Variants in NUP42 observed in about 807,000 individuals in gnomAD.
NUP42 encodes the protein nucleoporin NUP42.
In NUP42, 47 loss-of-function variants were observed where a neutral mutation model predicts 35.9. That is an observed-to-expected ratio of 1.31 (90% CI 1.04 to 1.67). The LOEUF (loss-of-function observed/expected upper bound fraction) is 1.67, where lower values mean the gene tolerates loss of function less well. Ranked by LOEUF, NUP42 falls within the 40% of genes most tolerant of loss-of-function variation. NUP42 has a pLI of 0.00. For synonymous variants in NUP42, 173 were observed against 173.3 expected, an observed-to-expected ratio of 1.00 and a Z score of 0.01; for missense variants, 514 against 492.2, an observed-to-expected ratio of 1.04 and a Z score of -0.42.
At chr7:23,194,499 T>A (rs1218528201) in intron 3 of NUP42, 1 of 152,388 alleles carries the variant, frequency 6.6e-6, no homozygotes, top group Non-Finnish European at 1.5e-5. Flanking sequence ...TAGCTCGGAT[T>A]ATAGGCATAT....
At chr7:23,193,467 G>A (rs1383766097) in intron 3 of NUP42, among the ~76,000 whole-genome samples, 1 of 152,154 alleles carries the variant, frequency 6.6e-6, no homozygotes, top group East Asian at 1.9e-4. Context: ...GGACACAAAG[G>A]TTCTCCAAGT....
chr7:23,185,649 A>T (rs542439150), intron 2 of NUP42, among the ~76,000 whole-genome samples: 54 of 152,340 alleles, frequency 3.5e-4, no homozygotes, highest in Admixed American at 6.5e-4. Context: ...AGTCCTGCTT[A>T]AGTTCATTCT....
chr7:23,188,627 T>C lies in NUP42; in HGVS notation c.445+1481T>C, dbSNP rs7776807. ...GTGTTTTTAGTATGTGTACATGCCA[T>C]GTAATATTTGGGGCACATTTATACT... is the stretch of plus-strand genomic sequence containing the variant. On this transcript the variant is annotated intron_variant, in intron 3 of 6. Transcript: ENST00000258742. 3.4e-4 allele frequency: 250 copies of C among 730,240 alleles called. 2 individuals are homozygous for C. The African/African-American group carries it at 4.5e-3, about 13-fold the overall frequency. 45.2% of individuals were successfully genotyped at this position (730,240 alleles called of 1,614,324 possible). A position where few individuals can be genotyped will look rare whatever the true frequency, so the allele number is the denominator to read the frequency against.
intron 3 of NUP42, among the ~76,000 whole-genome samples, chr7:23,191,637 G>C (rs1345838794): frequency 6.6e-6 from 1 of 152,198 alleles, no homozygotes; most frequent in Non-Finnish European, 1.5e-5. Flanking sequence ...ATTCTTTGTA[G>C]AAAATATCTT....
intron 3 of NUP42, among the ~76,000 whole-genome samples, chr7:23,190,384 C>T (rs1785750010): frequency 6.6e-6 from 1 of 152,176 alleles, no homozygotes; most frequent in Admixed American, 6.5e-5. Context: ...ATTCATCTTA[C>T]TAAATTTTCA....
At chr7:23,185,364 T>G in intron 2 of NUP42, 66 bp downstream of exon 2, 1 of 1,078,446 alleles carries the variant, frequency 9.3e-7, no homozygotes, top group Non-Finnish European at 1.4e-6. Context: ...CAATCTTTGT[T>G]GTTTCTCTTT....
chr7:23,190,469 C>T (rs1785752539), intron 3 of NUP42, among the ~76,000 whole-genome samples: 1 of 152,160 alleles, frequency 6.6e-6, no homozygotes, highest in Non-Finnish European at 1.5e-5. Flanking sequence ...TGAATTAATA[C>T]TAAGTTTCTC....
intron 3 of NUP42, chr7:23,188,128 G>T: frequency 7.5e-7 from 1 of 1,335,960 alleles, no homozygotes; most frequent in South Asian, 2.2e-5. Context: ...GGAAACAGTG[G>T]GTACCTTGCA....
At chr7:23,196,489 G>C (rs776924149) in intron 4 of NUP42, 191 bp from the exon 5 acceptor site, 5 of 531,366 alleles carry the variant, frequency 9.4e-6, no homozygotes, top group Non-Finnish European at 1.7e-5. Flanking sequence ...GGAGTTGAAC[G>C]GGAGAGGGAA....
At chr7:23,199,037 A>G (rs1195277735) in intron 5 of NUP42, among the ~76,000 whole-genome samples, 1 of 152,174 alleles carries the variant, frequency 6.6e-6, no homozygotes, top group Non-Finnish European at 1.5e-5. Context: ...ATACAGTATT[A>G]TGTCTTATCC....
intron 2 of NUP42, among the ~76,000 whole-genome samples, chr7:23,185,789 G>A (rs1352966306): frequency 6.6e-6 from 1 of 152,158 alleles, no homozygotes; most frequent in African/African-American, 2.4e-5. Context: ...GCCCAGGCTA[G>A]AGTGCAGTGG....
rs11446033 is a variant in NUP42, at chr7:23,187,599, C to CTTTT, written c.445+474_445+477dup. Among the ~76,000 whole-genome samples the CTTTT allele has an allele frequency of 1.4e-3, 121 of 84,800 alleles. 1 individual carries two copies. Among genetic ancestry groups the CTTTT allele is most frequent in the African/African-American group, 2.6e-3 (52 of 19,958 alleles). The allele number at this position is 84,800 out of a possible 152,430, so 55.6% of individuals were successfully genotyped here. ...CTTAGCTGGGCTACAGGGATAGCAA[C>CTTTT]TTTTTTTTTTTTTTTTTTTTTTTTG... is the stretch of plus-strand genomic sequence containing the variant. On this transcript the variant is annotated intron_variant, in intron 3 of 6. Coordinates refer to ENST00000258742, the MANE Select transcript of NUP42 (RefSeq NM_007342.3).
In NUP42 at chr7:23,199,559, T is replaced by C. The variant is rs188931541; in HGVS notation, c.694+17T>C. 1.0e-3 allele frequency: 1,626 copies of C among 1,596,216 alleles called. 7 individuals carry two copies. In the African/African-American group the frequency reaches 0.02, roughly 19 times the overall value. On this transcript the variant is annotated intron_variant, in intron 6 of 6. Coordinates refer to ENST00000258742, the MANE Select transcript of NUP42 (RefSeq NM_007342.3). ...TGTCGCCAGGTAAGTGATAAAGTAA[T>C]GCAGGACTTCACTGATTTAGAAAAA...
At chr7:23,198,262 G>C (rs1011450189) in intron 5 of NUP42, 2 of 141,742 alleles carry the variant, frequency 1.4e-5, no homozygotes, top group African/African-American at 5.6e-5. Context: ...ACCCAGGCTG[G>C]AGTGCAGTGG....
rs1785427400 is a variant in NUP42, at chr7:23,182,175, AG to A, written c.92del (p.Gly31AspfsTer91). On this transcript the variant is annotated frameshift_variant, in exon 1 of 7. Transcript: ENST00000258742. LOFTEE classifies it high-confidence loss of function. ...EHPGARGAGGGRQQPQQQPSG... is the reference protein window; with the variant it reads ...EHPGARGAGGXRQQPQQQPSG... ...ATCCCGGTGCTAGGGGTGCAGGAGG[AG>A]GACGGCAGCAACCGCAGCAGCAGCC... 1.2e-6 allele frequency: 2 copies of A among 1,613,610 alleles called. No homozygotes were observed. The highest frequency in any genetic ancestry group is 2.7e-5 in the African/African-American group (2 of 74,946).
chr7:23,183,305 C>T (rs954950510), intron 1 of NUP42, among the ~76,000 whole-genome samples: 5 of 152,102 alleles, frequency 3.3e-5, no homozygotes, highest in South Asian at 2.1e-4. Flanking sequence ...CTGCGACCTC[C>T]GCCTCCCAGG....
At chr7:23,186,839 T>C (rs1011135545) in intron 2 of NUP42, among the ~76,000 whole-genome samples, 6 of 152,174 alleles carry the variant, frequency 3.9e-5, no homozygotes, top group African/African-American at 1.4e-4. Context: ...AAAGCCAAAC[T>C]CATTAACTTC....
chr7:23,188,015 T>TTA (rs1785660907), intron 3 of NUP42: 1 of 1,091,762 alleles, frequency 9.2e-7, no homozygotes, highest in African/African-American at 1.7e-5. Flanking sequence ...TTATTTTTAT[T>TTA]TTTTTTTTTG....
At position 23,182,443 on chromosome 7, in the gene NUP42, G is replaced by C; in HGVS notation, c.121+237G>C. On this transcript the variant is annotated intron_variant, in intron 1 of 6. Coordinates refer to ENST00000258742, the MANE Select transcript of NUP42 (RefSeq NM_007342.3). ...TGGGTTTGGGCCTGGATGCTTGTGC[G>C]AAACTGAGTTTTTAAATCGGAAGTA... The C allele has an allele frequency of 2.3e-6, 3 of 1,332,364 alleles. No individual in the cohort carries two copies. The South Asian group carries it at 6.1e-5, about 27-fold the overall frequency. The allele number at this position is 1,332,364 out of a possible 1,614,324, so 82.5% of individuals were successfully genotyped here.
Sources: gnomAD v4.1 joint callset for allele counts (sites outside exome capture counted in the v4.1 genomes callset) on GRCh38, gnomAD v4.1.1 for gene constraint, MANE v1.5 for transcripts, NCBI Gene and HGNC (gene_info 2026-07-23, HGNC 2026-07-21) for gene names.